Variants in PLCL1 observed in about 807,000 individuals in gnomAD.
The protein encoded by PLCL1 is inactive phospholipase C-like protein 1.
A neutral mutation model predicts 84.4 loss-of-function variants in PLCL1; 41 were observed. The ratio of observed to expected loss-of-function variants is 0.49; its 90% CI spans 0.38 to 0.63. The LOEUF is 0.63. PLCL1 is among the 30% of genes least tolerant of loss of function. The pLI is 0.00. For synonymous variants in PLCL1, 490 were observed against 488.3 expected (o/e 1.00, Z -0.05); for missense variants, 1,206 against 1,367.8 (o/e 0.88, Z 1.87).
chr2:197,885,157 C>A (rs1455132926), intron 1 of PLCL1, among the ~76,000 whole-genome samples: 1 of 152,176 alleles, frequency 6.6e-6, no homozygotes, highest in Non-Finnish European at 1.5e-5. Flanking sequence ...CTAACCCTTT[C>A]TGAATTAGTC....
At chr2:197,915,125 C>T (rs1401094) in intron 1 of PLCL1, among the ~76,000 whole-genome samples, 73,753 of 151,704 alleles carry the variant, frequency 0.49, 18,725 homozygotes, top group East Asian at 0.77. Context: ...CAGTTTGCAG[C>T]TCAGGTAAGA....
At chr2:198,136,330 C>A (rs746478795) in intron 5 of PLCL1, among the ~76,000 whole-genome samples, 10 of 152,022 alleles carry the variant, frequency 6.6e-5, no homozygotes, top group Non-Finnish European at 1.3e-4. Context: ...ATTATTATAG[C>A]CATTTTATGG....
chr2:198,027,518 G>T (rs956401566), intron 1 of PLCL1, among the ~76,000 whole-genome samples: 6 of 152,082 alleles, frequency 3.9e-5, no homozygotes, highest in African/African-American at 1.4e-4. Flanking sequence ...GACAAAAAAT[G>T]ATAAATATAT....
chr2:197,982,292 T>C (rs1376569347), intron 1 of PLCL1, among the ~76,000 whole-genome samples: 1 of 152,068 alleles, frequency 6.6e-6, no homozygotes, highest in Non-Finnish European at 1.5e-5. Flanking sequence ...GTATCTCTAC[T>C]GTCTTTTGGG....
chr2:198,112,247 C>T (rs954468016), intron 5 of PLCL1, among the ~76,000 whole-genome samples: 7 of 151,920 alleles, frequency 4.6e-5, no homozygotes, highest in Middle Eastern at 6.8e-3. Context: ...CTGATCACCC[C>T]TGAGCGAATG....
At chr2:198,098,794 G>T (rs563490219) in intron 3 of PLCL1, among the ~76,000 whole-genome samples, 1 of 152,292 alleles carries the variant, frequency 6.6e-6, no homozygotes, top group South Asian at 2.1e-4. Context: ...ACTGGTAAGA[G>T]CTGGAAGGAT....
intron 5 of PLCL1, among the ~76,000 whole-genome samples, chr2:198,130,848 A>G (rs984744802): frequency 6.6e-6 from 1 of 152,128 alleles, no homozygotes; most frequent in African/African-American, 2.4e-5. Context: ...TGAGTTAGTG[A>G]AAAGTCATTT....
intron 1 of PLCL1, among the ~76,000 whole-genome samples, chr2:197,929,050 A>G (rs1688884283): frequency 6.6e-6 from 1 of 152,098 alleles, no homozygotes; most frequent in Non-Finnish European, 1.5e-5. Context: ...ACTAAATGAG[A>G]TTCTGTGATT....
At chr2:197,969,411 G>A (rs141563559) in intron 1 of PLCL1, among the ~76,000 whole-genome samples, 145 of 152,294 alleles carry the variant, frequency 9.5e-4, no homozygotes, top group African/African-American at 3.3e-3. Flanking sequence ...TGATCCTCCT[G>A]ATGTGTAAGA....
At chr2:197,841,194 G>GTTATTTT (rs1380536949) in intron 1 of PLCL1, among the ~76,000 whole-genome samples, 2 of 152,032 alleles carry the variant, frequency 1.3e-5, no homozygotes, top group African/African-American at 4.8e-5. Flanking sequence ...GAGACCCATA[G>GTTATTTT]TTATTTTTTA....
intron 1 of PLCL1, among the ~76,000 whole-genome samples, chr2:198,025,359 G>C (rs1691239904): frequency 6.6e-6 from 1 of 151,060 alleles, no homozygotes; most frequent in East Asian, 1.9e-4. Context: ...CACAAATGTA[G>C]TATACTAGAT....
rs1468633487 is a variant in PLCL1, at chr2:198,147,452, A to G, written c.*490A>G. 1.3e-5 allele frequency: 2 copies of G among 152,304 alleles called. No homozygotes were observed. Among genetic ancestry groups the G allele is most frequent in the African/African-American group, 4.8e-5 (2 of 41,442 alleles). 9.4% of individuals were successfully genotyped at this position (152,304 alleles called of 1,614,324 possible). On this transcript the variant is annotated 3_prime_UTR_variant, in exon 6 of 6. Coordinates refer to ENST00000428675, the MANE Select transcript of PLCL1 (RefSeq NM_006226.4). The stretch of plus-strand genomic sequence containing the variant: ...CTTAGCATAGCTTATTATTGAAGGA[A>G]GCCAAATTTATCAAAGCATAGATGT...
intron 1 of PLCL1, among the ~76,000 whole-genome samples, chr2:198,013,828 C>G (rs1385460311): frequency 2.0e-5 from 3 of 152,072 alleles, no homozygotes; most frequent in Non-Finnish European, 4.4e-5. Context: ...GAACATTAAA[C>G]TTTTCTTCCT....
At chr2:197,839,048 T>G (rs1450537834) in intron 1 of PLCL1, among the ~76,000 whole-genome samples, 1 of 152,262 alleles carries the variant, frequency 6.6e-6, no homozygotes, top group East Asian at 1.9e-4. Flanking sequence ...GAATCTTTCA[T>G]GCCGTTGTCA....
At chr2:197,994,192 A>G (rs2105814969) in intron 1 of PLCL1, among the ~76,000 whole-genome samples, 1 of 152,286 alleles carries the variant, frequency 6.6e-6, no homozygotes, top group African/African-American at 2.4e-5. Context: ...AACTTTCTCC[A>G]AATAGTCTTC....
chr2:198,008,660 G>C (rs575884933), intron 1 of PLCL1, among the ~76,000 whole-genome samples: 1 of 152,004 alleles, frequency 6.6e-6, no homozygotes, highest in Admixed American at 6.6e-5. Context: ...ATGCCACAAG[G>C]AATGGGTGTC....
Position 198,084,645 on chromosome 2 carries a change from C to A in PLCL1, c.1128C>A (p.Gly376=). Residue 376 remains glycine, a synonymous_variant, in exon 2 of 6, where the codon GGC becomes GGA. Coordinates refer to ENST00000428675, the MANE Select transcript of PLCL1 (RefSeq NM_006226.4). ...GRQKGFLAID[G]FTQYLLSSEC... ...AAAAAGGGTTTCTTGCAATTGATGGCTTTACCCAGTATTTATTGTCATCAG... is the reference window on the plus strand; with the variant it reads ...AAAAAGGGTTTCTTGCAATTGATGGATTTACCCAGTATTTATTGTCATCAG... 6.2e-7 allele frequency: 1 copy of A among 1,614,038 alleles called. No individual in the cohort carries two copies. Among genetic ancestry groups the A allele is most frequent in the Non-Finnish European group, 8.5e-7 (1 of 1,179,936 alleles).
chr2:197,838,408 T>C (rs1691232536), intron 1 of PLCL1, among the ~76,000 whole-genome samples: 1 of 152,210 alleles, frequency 6.6e-6, no homozygotes, highest in Non-Finnish European at 1.5e-5. Context: ...TTTTACTCTG[T>C]AGTGGCAGAA....
intron 1 of PLCL1, among the ~76,000 whole-genome samples, chr2:197,821,862 G>A (rs1205364450): frequency 2.0e-5 from 3 of 152,156 alleles, no homozygotes; most frequent in Non-Finnish European, 2.9e-5. Context: ...ACAGTTAGTC[G>A]TGGGATATAT....
Sources: gnomAD v4.1 joint callset for allele counts (sites outside exome capture counted in the v4.1 genomes callset) on GRCh38, gnomAD v4.1.1 for gene constraint, MANE v1.5 for transcripts, NCBI Gene and HGNC (gene_info 2026-07-23, HGNC 2026-07-21) for gene names.